Variants in DGKH observed in about 807,000 individuals in gnomAD.
DGKH encodes the protein diacylglycerol kinase eta.
Under a neutral mutation model 159.3 loss-of-function variants are expected in DGKH, and 90 were observed. That is an observed-to-expected ratio of 0.57 (90% CI 0.48 to 0.67). DGKH has a LOEUF of 0.67. DGKH is among the 30% of genes least tolerant of loss of function. The probability of loss-of-function intolerance (pLI) is 0.00; values close to 1 mark genes in which losing one functional copy is unlikely to be tolerated. For synonymous variants in DGKH, 536 were observed against 553.8 expected, an observed-to-expected ratio of 0.97 and a Z score of 0.45; for missense variants, 1,181 against 1,506.1, an observed-to-expected ratio of 0.78 and a Z score of 3.57.
rs1958656313 is a variant in DGKH at position 42,256,214 on chromosome 13, T to C, written n.4128-70T>C. 25 of 1,395,190 alleles carry C rather than the reference T, an allele frequency of 1.8e-5. No homozygotes were observed. The South Asian group carries it at 2.4e-4, about 14-fold the overall frequency. The allele number at this position is 1,395,190 out of a possible 1,614,324, so 86.4% of individuals were successfully genotyped here. On this transcript the variant is annotated intron_variant and non_coding_transcript_variant, in intron 30 of 30. Coordinates refer to the DGKH transcript ENST00000498255. ...TGGAGGCAGCAGTGGACATTTTGAG[T>C]TGAATGTTTTCAAGCCAATGATGAT...
At chr13:42,118,968 C>G (rs1449364493) in intron 1 of DGKH, among the ~76,000 whole-genome samples, 1 of 152,190 alleles carries the variant, frequency 6.6e-6, no homozygotes, top group African/African-American at 2.4e-5. Flanking sequence ...TTTTCTTCCC[C>G]ATTGCCTTAA....
chr13:42,108,913 A>G (rs1003411112), intron 1 of DGKH, among the ~76,000 whole-genome samples: 3 of 152,218 alleles, frequency 2.0e-5, no homozygotes, highest in Admixed American at 1.3e-4. Context: ...TTTTGTCATA[A>G]TGGAGAGGAA....
intron 3 of DGKH, among the ~76,000 whole-genome samples, chr13:42,150,607 G>T (rs1014132155): frequency 6.6e-6 from 1 of 152,150 alleles, no homozygotes; most frequent in Non-Finnish European, 1.5e-5. Flanking sequence ...CCCATTAAGT[G>T]TCCTGTGTTT....
chr13:42,156,568 T>A (rs1180008399), intron 5 of DGKH, among the ~76,000 whole-genome samples: 2 of 152,226 alleles, frequency 1.3e-5, no homozygotes, highest in Admixed American at 1.3e-4. Flanking sequence ...AGCAAATACA[T>A]TAATAATTGC....
At chr13:42,105,071 G>T (rs921338349) in intron 1 of DGKH, among the ~76,000 whole-genome samples, 1 of 151,950 alleles carries the variant, frequency 6.6e-6, no homozygotes, top group Non-Finnish European at 1.5e-5. Flanking sequence ...CTTTATGACT[G>T]TCTTAGTCTG....
At chr13:42,215,019 A>T (rs1191566904) in intron 25 of DGKH, among the ~76,000 whole-genome samples, 2 of 152,096 alleles carry the variant, frequency 1.3e-5, no homozygotes, top group African/African-American at 2.4e-5. Context: ...AATTATTCCT[A>T]CTTCATTTTG....
At position 42,089,943 on chromosome 13, in the gene DGKH, A is replaced by G. The variant is rs189778456; in HGVS notation, c.193-37520A>G. 1.5e-3 allele frequency among the ~76,000 whole-genome samples: 227 copies of G among 152,334 alleles called. 1 individual carries two copies. The highest frequency in any genetic ancestry group is 2.5e-3 in the Non-Finnish European group (172 of 68,030). On this transcript the variant is annotated intron_variant, in intron 1 of 29. Coordinates refer to ENST00000337343, the MANE Select transcript of DGKH (RefSeq NM_178009.5). ...TACAAAAAATTAAATTAGAAAAAAA[A>G]CAAACCCCAGAAAGGTATTTGGAAA...
At chr13:42,193,777 T>C (rs1176181514) in intron 16 of DGKH, among the ~76,000 whole-genome samples, 1 of 152,116 alleles carries the variant, frequency 6.6e-6, no homozygotes, top group East Asian at 1.9e-4. Flanking sequence ...AATGAGACAA[T>C]AGAGTGTAAA....
chr13:42,149,077 A>G (rs939646856), intron 3 of DGKH, among the ~76,000 whole-genome samples: 1 of 150,178 alleles, frequency 6.7e-6, no homozygotes, highest in Non-Finnish European at 1.5e-5. Flanking sequence ...TCCCAGGCAT[A>G]TGCCACCATG....
intron 1 of DGKH, among the ~76,000 whole-genome samples, chr13:42,085,299 TC>T (rs139806044): frequency 0.066 from 10,040 of 152,176 alleles, 656 homozygotes; most frequent in African/African-American, 0.17. Context: ...GTTTATGGAT[TC>T]CCTTTCTCCC....
intron 5 of DGKH, among the ~76,000 whole-genome samples, 193 bp from the exon 6 acceptor site, chr13:42,159,073 A>G (rs75702624): frequency 0.015 from 2,222 of 152,146 alleles, 53 homozygotes; most frequent in African/African-American, 0.049. Context: ...AGTGCTTCAT[A>G]AATACATAGC....
chr13:42,113,262 A>G (rs1954901392), intron 1 of DGKH, among the ~76,000 whole-genome samples: 1 of 152,208 alleles, frequency 6.6e-6, no homozygotes, highest in African/African-American at 2.4e-5. Context: ...GCTGAATTAT[A>G]CCTTTTTAAA....
intron 1 of DGKH, among the ~76,000 whole-genome samples, chr13:42,050,428 C>A (rs1881189467): frequency 6.6e-6 from 1 of 152,142 alleles, no homozygotes. Flanking sequence ...GTAAGAACAA[C>A]ACACAAGAAC....
At chr13:42,071,005 C>T (rs1882928524) in intron 1 of DGKH, 3 of 1,294,664 alleles carry the variant, frequency 2.3e-6, no homozygotes, top group Non-Finnish European at 2.2e-6. Flanking sequence ...CAAGTAATTG[C>T]CTCCACAACC....
chr13:42,067,518 T>C (rs898849725), intron 1 of DGKH, among the ~76,000 whole-genome samples: 3 of 152,180 alleles, frequency 2.0e-5, no homozygotes, highest in Non-Finnish European at 4.4e-5. Flanking sequence ...GTTCATGTCA[T>C]AGAAAAATGT....
intron 4 of DGKH, 63 bp downstream of exon 4, chr13:42,155,458 G>T (rs771457901): frequency 3.9e-6 from 6 of 1,526,946 alleles, no homozygotes; most frequent in Non-Finnish European, 5.4e-6. Flanking sequence ...CAAAGGGCTA[G>T]AGCTCTACCG....
At chr13:42,135,049 G>A (rs753867419) in intron 3 of DGKH, among the ~76,000 whole-genome samples, 17 of 152,078 alleles carry the variant, frequency 1.1e-4, no homozygotes, top group Non-Finnish European at 2.4e-4. Flanking sequence ...GCTAATTTTA[G>A]CCATAGTTTG....
At chr13:42,162,826 GTTTCT>G (rs1047922471) in intron 7 of DGKH, among the ~76,000 whole-genome samples, 6 of 142,442 alleles carry the variant, frequency 4.2e-5, no homozygotes, top group Admixed American at 3.6e-4. Flanking sequence ...AAAAACATGA[GTTTCT>G]TTTTTTTTTT....
chr13:42,066,975 C>CAT (rs1226972168), intron 1 of DGKH, among the ~76,000 whole-genome samples: 2 of 151,708 alleles, frequency 1.3e-5, no homozygotes, highest in East Asian at 1.9e-4. Context: ...AAGAATATAA[C>CAT]ATATAACATG....
Sources: allele counts gnomAD v4.1 joint callset (sites outside exome capture counted in the v4.1 genomes callset), GRCh38; gene constraint gnomAD v4.1.1; transcripts MANE v1.5; gene names NCBI Gene and HGNC (gene_info 2026-07-23, HGNC 2026-07-21).